The following PDCD10 variants were observed in gnomAD, a reference collection of about 807,000 sequenced individuals.
The protein encoded by PDCD10 is programmed cell death protein 10.
A neutral mutation model predicts 29.2 loss-of-function variants in PDCD10; 4 were observed. That is an observed-to-expected ratio of 0.14 (90% CI 0.07 to 0.31). PDCD10 has a LOEUF of 0.31. Ranked by LOEUF, PDCD10 falls within the 10% of genes least tolerant of loss-of-function variation. The probability of loss-of-function intolerance (pLI) is 1.00; values close to 1 mark genes in which losing one functional copy is unlikely to be tolerated. For missense variants in PDCD10, 183 were observed against 257.9 expected (o/e 0.71, Z 1.99); for synonymous variants, 70 against 82.2 (o/e 0.85, Z 0.80).
At chr3:167,712,215 G>A (rs1416577454) in intron 3 of PDCD10, among the ~76,000 whole-genome samples, 8 of 151,828 alleles carry the variant, frequency 5.3e-5, no homozygotes, top group Non-Finnish European at 7.4e-5. Context: ...AAGACAAACC[G>A]TACAATAAGA....
chr3:167,695,888 A>G (rs1720753003), intron 5 of PDCD10, among the ~76,000 whole-genome samples, 166 bp from the exon 6 acceptor site: 1 of 152,196 alleles, frequency 6.6e-6, no homozygotes. Flanking sequence ...GACTTAGTCC[A>G]GTAACAACAG....
intron 3 of PDCD10, among the ~76,000 whole-genome samples, chr3:167,709,895 C>A (rs1287605687): frequency 1.3e-5 from 2 of 152,130 alleles, no homozygotes; most frequent in African/African-American, 4.8e-5. Flanking sequence ...TATACCAGCT[C>A]AGTCACAGTA....
At chr3:167,696,864 TCAC>T (rs1370429058) in intron 5 of PDCD10, 142 bp downstream of exon 5, 1 of 699,414 alleles carries the variant, frequency 1.4e-6, no homozygotes. Flanking sequence ...ACTATCACTA[TCAC>T]CACCACCACC....
intron 4 of PDCD10, among the ~76,000 whole-genome samples, chr3:167,703,686 C>T (rs555079007): frequency 6.6e-6 from 1 of 151,872 alleles, no homozygotes; most frequent in African/African-American, 2.4e-5. Flanking sequence ...GATGGAGGAC[C>T]AGATAAAAGT....
intron 2 of PDCD10, among the ~76,000 whole-genome samples, 175 bp downstream of exon 2, chr3:167,734,039 C>T (rs1003212051): frequency 9.2e-5 from 14 of 152,150 alleles, no homozygotes; most frequent in African/African-American, 3.4e-4. Context: ...CTTCCTCCAC[C>T]CTTTTCAAAA....
Position 167,695,718 on chromosome 3 carries a change from A to G in PDCD10, c.273T>C (p.Tyr91=). The G allele has an allele frequency of 1.2e-6, 2 of 1,613,514 alleles. No individual in the cohort carries two copies. The highest frequency in any genetic ancestry group is 2.7e-5 in the African/African-American group (2 of 75,028). Residue 91 remains tyrosine, a synonymous_variant, in exon 6 of 9, where the codon TAT becomes TAC. Coordinates refer to ENST00000392750, the MANE Select transcript of PDCD10 (RefSeq NM_007217.4). ...ATTCTGGCTCTGGTCGTTCAATCAT[A>G]TACTCTGATAAAATAAATACATAAT... ...LRMAADDVEE[Y]MIERPEPEFQ...
At chr3:167,713,446 T>A (rs556060489) in intron 3 of PDCD10, among the ~76,000 whole-genome samples, 11 of 151,864 alleles carry the variant, frequency 7.2e-5, no homozygotes, top group African/African-American at 2.7e-4. Context: ...ACTAAGGAAG[T>A]TTATAGCTTT....
At chr3:167,725,558 A>C (rs1724030591) in intron 2 of PDCD10, 1 of 151,722 alleles carries the variant, frequency 6.6e-6, no homozygotes, top group African/African-American at 2.4e-5. Context: ...GGATATACCT[A>C]CATCTCTCTC....
At chr3:167,686,348 T>C (rs965476761) in intron 8 of PDCD10, among the ~76,000 whole-genome samples, 1 of 152,238 alleles carries the variant, frequency 6.6e-6, no homozygotes, top group Admixed American at 6.5e-5. Flanking sequence ...TCCTATTTTA[T>C]AGAATGATGC....
chr3:167,706,590 A>G (rs189245119), intron 3 of PDCD10, among the ~76,000 whole-genome samples: 1 of 152,352 alleles, frequency 6.6e-6, no homozygotes, highest in Admixed American at 6.5e-5. Flanking sequence ...TGGCTTTAAC[A>G]TCACTTGGTG....
chr3:167,724,686 C>G (rs936603892), intron 2 of PDCD10, among the ~76,000 whole-genome samples: 4 of 152,082 alleles, frequency 2.6e-5, no homozygotes, highest in African/African-American at 4.8e-5. Context: ...TAAAAACAAA[C>G]ACAAAAATCA....
chr3:167,729,018 T>C (rs911343289), intron 2 of PDCD10, among the ~76,000 whole-genome samples: 4 of 152,124 alleles, frequency 2.6e-5, no homozygotes, highest in African/African-American at 9.7e-5. Flanking sequence ...TACTGCAGTA[T>C]GTGATAATTC....
chr3:167,683,346 CAT>C lies in PDCD10; in HGVS notation c.*960_*961del, dbSNP rs1444776718. ...ATAATTGAAAAATGAAACCACTTAA[CAT>C]GAACACTTGATACATAATTTCCTTA... On this transcript the variant is annotated 3_prime_UTR_variant, in exon 9 of 9. Coordinates refer to ENST00000392750, the MANE Select transcript of PDCD10 (RefSeq NM_007217.4). 1.3e-5 allele frequency: 2 copies of C among 151,932 alleles called. No homozygotes were observed. The highest frequency in any genetic ancestry group is 6.6e-5 in the Admixed American group (1 of 15,260). The allele number at this position is 151,932 out of a possible 1,614,324, so 9.4% of individuals were successfully genotyped here.
chr3:167,720,658 A>G (rs751676851), intron 2 of PDCD10, among the ~76,000 whole-genome samples: 17 of 152,110 alleles, frequency 1.1e-4, no homozygotes, highest in Non-Finnish European at 1.3e-4. Context: ...TAATCAGGAA[A>G]TGCATGATGT....
chr3:167,706,493 T>C (rs1186382216), intron 3 of PDCD10, among the ~76,000 whole-genome samples: 2 of 152,258 alleles, frequency 1.3e-5, no homozygotes, highest in Non-Finnish European at 2.9e-5. Context: ...ACAAACCTGA[T>C]GTTTACTGAA....
intron 3 of PDCD10, among the ~76,000 whole-genome samples, chr3:167,714,938 C>A (rs1357798872): frequency 6.6e-6 from 1 of 151,598 alleles, no homozygotes; most frequent in Non-Finnish European, 1.5e-5. Context: ...AAAAACAATC[C>A]TAAGATTTAT....
rs1370567567 is a variant in PDCD10, at chr3:167,719,946, C to T, written c.96+116G>A. ...TTGCCCTGATACAATGCCTAACGCA[C>T]CGATAAGAGTTCATTCATGCTAGTA... On this transcript the variant is annotated intron_variant, in intron 3 of 8. Coordinates refer to ENST00000392750, the MANE Select transcript of PDCD10 (RefSeq NM_007217.4). The T allele has an allele frequency of 2.0e-5, 16 of 796,718 alleles. No individual in the cohort carries two copies. In the East Asian group the frequency reaches 3.9e-4, roughly 19 times the overall value. The allele number at this position is 796,718 out of a possible 1,614,324, so 49.4% of individuals were successfully genotyped here.
At chr3:167,698,551 C>CAA (rs143992078) in intron 4 of PDCD10, among the ~76,000 whole-genome samples, 2 of 151,484 alleles carry the variant, frequency 1.3e-5, no homozygotes, top group African/African-American at 2.4e-5. Context: ...CAAAACAAAA[C>CAA]AAAAAAAACT....
chr3:167,723,893 T>G (rs2108493696), intron 2 of PDCD10, among the ~76,000 whole-genome samples: 1 of 152,350 alleles, frequency 6.6e-6, no homozygotes, highest in Admixed American at 6.5e-5. Flanking sequence ...TTCTTGAATA[T>G]TCAAAATAGC....
Sources: gnomAD v4.1 joint callset for allele counts (sites outside exome capture counted in the v4.1 genomes callset) on GRCh38, gnomAD v4.1.1 for gene constraint, MANE v1.5 for transcripts, NCBI Gene and HGNC (gene_info 2026-07-23, HGNC 2026-07-21) for gene names.